Variants in NAV1 observed in about 807,000 individuals in gnomAD.
NAV1 encodes pore membrane and/or filament interacting like protein 3.
A neutral mutation model predicts 175.2 loss-of-function variants in NAV1; 18 were observed. That is an observed-to-expected ratio of 0.10 (90% CI 0.07 to 0.15). The LOEUF (loss-of-function observed/expected upper bound fraction) is 0.15, where lower values mean the gene tolerates loss of function less well. NAV1 is among the 10% of genes least tolerant of loss of function. The probability of loss-of-function intolerance (pLI) is 1.00; values close to 1 mark genes in which losing one functional copy is unlikely to be tolerated. For synonymous variants in NAV1, 897 were observed against 978.7 expected (o/e 0.92, Z 1.56); for missense variants, 1,731 against 2,436.6 (o/e 0.71, Z 6.10).
At chr1:201,677,154 A>G (rs1299867599) in intron 1 of NAV1, among the ~76,000 whole-genome samples, 2 of 149,904 alleles carry the variant, frequency 1.3e-5, no homozygotes, top group African/African-American at 4.9e-5. Context: ...CAGGAGGCTG[A>G]GGCAGAAGAA....
At position 201,571,265 on chromosome 1, in the gene NAV1, G is replaced by C. The variant is rs79209924; in HGVS notation, c.-143-17274G>C. Reference sequence around the variant, plus strand: ...CATCAGAAAGGGGAGGTAGTGCTGGGAGTTGCTGTGAGAATGACATGAGAT... The same window carrying C: ...CATCAGAAAGGGGAGGTAGTGCTGGCAGTTGCTGTGAGAATGACATGAGAT... On this transcript the variant is annotated intron_variant, in intron 1 of 33. Coordinates refer to the NAV1 transcript ENST00000685211. Among the ~76,000 whole-genome samples, 812 of 152,334 alleles carry C rather than the reference G, an allele frequency of 5.3e-3. 9 individuals carry two copies. Among genetic ancestry groups the C allele is most frequent in the African/African-American group, 0.018 (761 of 41,576 alleles).
intron 1 of NAV1, among the ~76,000 whole-genome samples, chr1:201,657,412 C>A (rs1408614731): frequency 6.6e-6 from 1 of 152,232 alleles, no homozygotes; most frequent in Non-Finnish European, 1.5e-5. Flanking sequence ...AGCTAGCCTG[C>A]ATTTCCCAGG....
chr1:201,735,105 C>A (rs1354313866), intron 3 of NAV1, among the ~76,000 whole-genome samples: 1 of 152,180 alleles, frequency 6.6e-6, no homozygotes, highest in Admixed American at 6.5e-5. Flanking sequence ...CTGGAACACT[C>A]CACTGTGCAT....
chr1:201,664,672 C>T (rs779592381), intron 1 of NAV1, among the ~76,000 whole-genome samples: 3 of 152,186 alleles, frequency 2.0e-5, no homozygotes, highest in Non-Finnish European at 4.4e-5. Flanking sequence ...CAGTGCTGCA[C>T]TCGACAACCC....
chr1:201,671,295 T>C (rs1013336297), intron 1 of NAV1, among the ~76,000 whole-genome samples: 12 of 152,170 alleles, frequency 7.9e-5, no homozygotes, highest in Non-Finnish European at 8.8e-5. Context: ...TCCCTCTTCA[T>C]ATGTCCTTTT....
At chr1:201,607,869 ATT>A (rs1491174389) in intron 2 of NAV1, among the ~76,000 whole-genome samples, 221 of 81,026 alleles carry the variant, frequency 2.7e-3, no homozygotes, top group African/African-American at 0.011. Flanking sequence ...TGATAACTTT[ATT>A]GTGTGTGTGT....
At chr1:201,648,939 C>A in exon 1 of NAV1, 1 of 1,613,032 alleles carries the variant, frequency 6.2e-7, no homozygotes, top group Non-Finnish European at 8.5e-7. Flanking sequence ...GCAGAAGTCA[C>A]TCACCAACCT....
At chr1:201,752,290 C>T (rs182375065) in intron 3 of NAV1, among the ~76,000 whole-genome samples, 5 of 152,308 alleles carry the variant, frequency 3.3e-5, no homozygotes, top group East Asian at 3.9e-4. Flanking sequence ...TTCCTTAAGA[C>T]CCGAATTAAA....
intron 15 of NAV1, among the ~76,000 whole-genome samples, chr1:201,798,790 C>A (rs1195383960): frequency 7.2e-6 from 1 of 139,530 alleles, no homozygotes. Context: ...GTAACTTCTG[C>A]CTCCTGGGTT....
At chr1:201,614,492 C>T (rs1339083180) in intron 2 of NAV1, among the ~76,000 whole-genome samples, 2 of 152,218 alleles carry the variant, frequency 1.3e-5, no homozygotes, top group African/African-American at 4.8e-5. Context: ...TACTGGTGCT[C>T]GCCTTCCTTT....
intron 2 of NAV1, among the ~76,000 whole-genome samples, chr1:201,610,369 C>T (rs908232727): frequency 5.3e-5 from 8 of 152,376 alleles, no homozygotes; most frequent in African/African-American, 1.9e-4. Context: ...CTCCCTGAAG[C>T]TCAAAATTCA....
In NAV1 at chr1:201,685,301, G is replaced by A. The variant is rs1020016213; in HGVS notation, c.758-27516G>A. Among the ~76,000 whole-genome samples, 4 of 152,270 alleles carry A rather than the reference G, an allele frequency of 2.6e-5. No homozygotes were observed. The East Asian group carries it at 5.8e-4, about 22-fold the overall frequency. Reference sequence around the variant, plus strand: ...CACAGTCTTTTAAGGCTGGGCCAAAGGCTACACTCCAAAGGCTGAGAAACA... The same window carrying A: ...CACAGTCTTTTAAGGCTGGGCCAAAAGCTACACTCCAAAGGCTGAGAAACA... On this transcript the variant is annotated intron_variant, in intron 1 of 29. Coordinates refer to ENST00000367296, the Ensembl canonical transcript of NAV1.
At chr1:201,611,956 C>T (rs1475790270) in intron 2 of NAV1, among the ~76,000 whole-genome samples, 3 of 145,918 alleles carry the variant, frequency 2.1e-5, no homozygotes, top group African/African-American at 5.5e-5. Context: ...GTGTGCGGTG[C>T]GAGTGTGTAT....
In NAV1 at chr1:201,633,681, G is replaced by A. The variant is rs1288222737; in HGVS notation, c.4+4174G>A. Among the ~76,000 whole-genome samples the A allele has an allele frequency of 4.6e-5, 7 of 152,238 alleles. No homozygotes were observed. In the East Asian group the frequency reaches 1.3e-3, roughly 29 times the overall value. ...CTCCAAACCTATGTCATTTCATGCT[G>A]AGTTCACACTGCTGTGTTCTTTGCC... On this transcript the variant is annotated intron_variant, in intron 2 of 29. Transcript: ENST00000367302.
exon 9 of NAV1, chr1:201,786,485 G>A (rs745836894): frequency 3.7e-6 from 6 of 1,613,928 alleles, no homozygotes; most frequent in Non-Finnish European, 5.1e-6. Flanking sequence ...CATACCATTG[G>A]TGGGCTGCCT....
intron 1 of NAV1, among the ~76,000 whole-genome samples, chr1:201,572,840 C>G (rs574093639): frequency 7.9e-5 from 12 of 152,148 alleles, no homozygotes; most frequent in African/African-American, 2.9e-4. Flanking sequence ...AAGTAGATGC[C>G]CTGGGGTAGG....
Position 201,782,107 on chromosome 1 carries a change from A to T in NAV1, c.1664-69A>T. 7.3e-7 allele frequency: 1 copy of T among 1,373,836 alleles called. No individual in the cohort carries two copies. Among genetic ancestry groups the T allele is most frequent in the Admixed American group, 2.3e-5 (1 of 44,080 alleles). The allele number at this position is 1,373,836 out of a possible 1,614,324, so 85.1% of individuals were successfully genotyped here. A position where few individuals can be genotyped will look rare whatever the true frequency, so the allele number is the denominator to read the frequency against. ...CAATGTTCCCTTCTCCCATGGAGGG[A>T]AAGAAAAGGGTGGGTTTTTAAGATA... On this transcript the variant is annotated intron_variant, in intron 5 of 29. Coordinates refer to ENST00000367296, the Ensembl canonical transcript of NAV1. The surrounding 1 kb of genome is among the most constrained non-coding windows in gnomAD (Gnocchi z 5.4).
At chr1:201,563,503 G>T (rs1179874779) in intron 1 of NAV1, among the ~76,000 whole-genome samples, 1 of 151,932 alleles carries the variant, frequency 6.6e-6, no homozygotes, top group Non-Finnish European at 1.5e-5. Flanking sequence ...AGCAAGGAAA[G>T]CCTGCAGGAT....
intron 15 of NAV1, among the ~76,000 whole-genome samples, chr1:201,802,305 C>CAA (rs34854602): frequency 0.021 from 821 of 39,986 alleles, 40 homozygotes; most frequent in South Asian, 0.029. Flanking sequence ...AACACCTTCT[C>CAA]AAAAAAAAAA....
Sources: gnomAD v4.1 joint callset for allele counts (sites outside exome capture counted in the v4.1 genomes callset) on GRCh38, gnomAD v4.1.1 for gene constraint, Gnocchi (gnomAD v3.1) non-coding constraint, MANE v1.5 for transcripts, NCBI Gene and HGNC (gene_info 2026-07-23, HGNC 2026-07-21) for gene names.